OR6P1: variants seen among roughly 807,000 people sequenced by gnomAD.
OR6P1 encodes olfactory receptor family 6 subfamily P member 1.
In OR6P1, 5 loss-of-function variants were observed where a neutral mutation model predicts 6.6. The ratio of observed to expected loss-of-function variants is 0.76; its 90% CI spans 0.40 to 1.60. OR6P1 has a LOEUF of 1.60. Ranked by LOEUF, OR6P1 falls within the 40% of genes most tolerant of loss-of-function variation. The probability of loss-of-function intolerance (pLI) is 0.02; values close to 1 mark genes in which losing one functional copy is unlikely to be tolerated. For missense variants in OR6P1, 451 were observed against 383.0 expected (o/e 1.18, Z -1.48); for synonymous variants, 177 against 149.6 (o/e 1.18, Z -1.33).
Position 158,562,962 on chromosome 1 carries a change from C to T in OR6P1, c.643G>A (p.Val215Ile). The T allele has an allele frequency of 6.4e-7, 1 of 1,551,650 alleles. No individual in the cohort carries two copies. Among genetic ancestry groups the T allele is most frequent in the Non-Finnish European group, 8.7e-7 (1 of 1,146,990 alleles). The stretch of plus-strand genomic sequence containing the variant: ...GCAATGATGGCAGTGTATGATGAAA[C>T]CACAGCCAATAGAGGGAGTAGAATC... ...VMILLPLLAVVSSYTAIIAAI... is the reference protein window; with the variant it reads ...VMILLPLLAVISSYTAIIAAI... The change falls in exon 3 of 3, where the codon GTT becomes ATT. Residue 215 changes from valine to isoleucine, a missense_variant. Coordinates refer to ENST00000641540, the MANE Select transcript of OR6P1 (RefSeq NM_001160325.2).
At chr1:158,564,010 G>A (rs1648036100) in intron 2 of OR6P1, among the ~76,000 whole-genome samples, 1 of 152,170 alleles carries the variant, frequency 6.6e-6, no homozygotes, top group Non-Finnish European at 1.5e-5. Flanking sequence ...AAGTGTGACA[G>A]CAAGCTAGAG....
chr1:158,562,532 C>A lies in OR6P1; in HGVS notation c.*119G>T, dbSNP rs1297264611. ...TTCATTTGTATCAGAAGGTCCCAGACAATATTTAGAGAAAATGTTGGCAAA... is the reference window on the plus strand; with the variant it reads ...TTCATTTGTATCAGAAGGTCCCAGAAAATATTTAGAGAAAATGTTGGCAAA... On this transcript the variant is annotated 3_prime_UTR_variant, in exon 3 of 3. Coordinates refer to ENST00000641540, the MANE Select transcript of OR6P1 (RefSeq NM_001160325.2). 7 of 650,184 alleles carry A rather than the reference C, an allele frequency of 1.1e-5. No individual in the cohort carries two copies. Among genetic ancestry groups the A allele is most frequent in the African/African-American group, 9.2e-5 (5 of 54,454 alleles). 40.3% of individuals were successfully genotyped at this position (650,184 alleles called of 1,614,324 possible).
At chr1:158,569,210 G>T (rs191641810) in intron 1 of OR6P1, among the ~76,000 whole-genome samples, 8 of 152,234 alleles carry the variant, frequency 5.3e-5, no homozygotes, top group Non-Finnish European at 1.0e-4. Context: ...AAAGCACATT[G>T]GTGATACCAT....
chr1:158,564,282 C>G (rs1213764981), intron 2 of OR6P1, among the ~76,000 whole-genome samples: 1 of 152,144 alleles, frequency 6.6e-6, no homozygotes, highest in Non-Finnish European at 1.5e-5. Context: ...GGAGGTATAA[C>G]AGATTAAAAA....
chr1:158,562,464 C>G lies in OR6P1; in HGVS notation c.*187G>C, dbSNP rs897568113. 5.5e-5 allele frequency: 31 copies of G among 568,118 alleles called. No individual in the cohort carries two copies. The highest frequency in any genetic ancestry group is 9.6e-5 in the Non-Finnish European group (31 of 322,006). 35.2% of individuals were successfully genotyped at this position (568,118 alleles called of 1,614,324 possible). The stretch of plus-strand genomic sequence containing the variant: ...GTGATTCTTCTGTAGCTAGTCCAAC[C>G]TTAGTTTGAAAACCCCTGTAAAAAA... On this transcript the variant is annotated 3_prime_UTR_variant, in exon 3 of 3. Transcript: ENST00000641540.
In OR6P1 at chr1:158,563,122, A is replaced by G. The variant is rs1433981270; in HGVS notation, c.483T>C (p.Leu161=). The G allele has an allele frequency of 2.6e-6, 4 of 1,551,550 alleles. No individual in the cohort carries two copies. The highest frequency in any genetic ancestry group is 2.6e-6 in the Non-Finnish European group (3 of 1,147,004). The part of the protein sequence containing the change: ...SGFFSSMMKL[L]FISQLSYCGP... The stretch of plus-strand genomic sequence containing the variant: ...CACAGTAGGACAATTGGGAAATAAA[A>G]AGAAGCTTCATCATGGAGCTGAAGA... The change falls in exon 3 of 3, where the codon CTT becomes CTC. Residue 161 remains leucine (L), a synonymous_variant. Coordinates refer to ENST00000641540, the MANE Select transcript of OR6P1 (RefSeq NM_001160325.2).
chr1:158,565,377 G>T (rs1207852241), intron 2 of OR6P1, among the ~76,000 whole-genome samples: 1 of 152,034 alleles, frequency 6.6e-6, no homozygotes, highest in Non-Finnish European at 1.5e-5. Context: ...ACAAATGAGC[G>T]TATCTTTTTA....
chr1:158,565,553 G>C (rs932849353), intron 2 of OR6P1, among the ~76,000 whole-genome samples: 2 of 151,784 alleles, frequency 1.3e-5, no homozygotes, highest in Admixed American at 6.6e-5. Flanking sequence ...ATTTTCTCTA[G>C]CTGTTATATA....
At chr1:158,568,658 C>T (rs1648157849) in intron 1 of OR6P1, among the ~76,000 whole-genome samples, 1 of 152,186 alleles carries the variant, frequency 6.6e-6, no homozygotes, top group African/African-American at 2.4e-5. Flanking sequence ...TTACCCTCCC[C>T]TTTACTCCTG....
rs1004950039 is a variant in OR6P1 at position 158,560,995 on chromosome 1, A to C, written c.*1656T>G. On this transcript the variant is annotated 3_prime_UTR_variant, in exon 3 of 3. Coordinates refer to ENST00000641540, the MANE Select transcript of OR6P1 (RefSeq NM_001160325.2). ...GAGAACCAGAACTAGAAATTAATCC[A>C]AGATCAAATTTATCCAAAAGGAAAG... is the stretch of plus-strand genomic sequence containing the variant. 10 of 152,220 alleles carry C rather than the reference A, an allele frequency of 6.6e-5. No homozygotes were observed. Among genetic ancestry groups the C allele is most frequent in the Non-Finnish European group, 1.5e-4 (10 of 68,032 alleles). 9.4% of individuals were successfully genotyped at this position (152,220 alleles called of 1,614,324 possible).
chr1:158,564,671 T>C (rs1005512952), intron 2 of OR6P1, among the ~76,000 whole-genome samples: 1 of 152,158 alleles, frequency 6.6e-6, no homozygotes, highest in African/African-American at 2.4e-5. Context: ...GCCTGTGCCT[T>C]GAATTGAGCC....
chr1:158,568,265 T>C (rs1405000940), intron 1 of OR6P1, among the ~76,000 whole-genome samples: 3 of 152,208 alleles, frequency 2.0e-5, no homozygotes, highest in Non-Finnish European at 2.9e-5. Context: ...ATCACGGCAC[T>C]GTGCCCACTG....
chr1:158,565,938 T>G (rs1648086753), intron 2 of OR6P1, among the ~76,000 whole-genome samples: 1 of 152,226 alleles, frequency 6.6e-6, no homozygotes, highest in Non-Finnish European at 1.5e-5. Flanking sequence ...TTTTCATTCA[T>G]CTATTAGCTG....
chr1:158,570,332 C>T (rs961808765), intron 1 of OR6P1, 110 bp downstream of exon 1: 2 of 152,146 alleles, frequency 1.3e-5, no homozygotes, highest in African/African-American at 4.8e-5. Context: ...AATGATTAAG[C>T]TTTTTCAAAT....
chr1:158,562,675 G>C lies in OR6P1; in HGVS notation c.930C>G (p.His310Gln). Residue 310 changes from histidine (H) to glutamine (Q), a missense_variant, in exon 3 of 3, where the codon CAC (histidine) becomes CAG (glutamine). His to Gln is a conservative substitution (Grantham distance 24). Coordinates refer to ENST00000641540, the MANE Select transcript of OR6P1 (RefSeq NM_001160325.2). The stretch of plus-strand genomic sequence containing the variant: ...ATCAGTCCTGAACATCCCTAGGATA[G>C]TGACATCTGCCCATCACTGTCTTCC... ...AFRKTVMGRC[H>Q]YPRDVQD 6.4e-7 allele frequency: 1 copy of C among 1,554,044 alleles called. No homozygotes were observed. Among genetic ancestry groups the C allele is most frequent in the Non-Finnish European group, 8.7e-7 (1 of 1,147,664 alleles).
intron 1 of OR6P1, among the ~76,000 whole-genome samples, chr1:158,567,231 T>C (rs1648118017): frequency 6.6e-6 from 1 of 152,058 alleles, no homozygotes; most frequent in Non-Finnish European, 1.5e-5. Flanking sequence ...TGGAAGACAG[T>C]GTGGTGATTC....
chr1:158,564,934 T>C (rs1648061354), intron 2 of OR6P1, among the ~76,000 whole-genome samples: 1 of 152,238 alleles, frequency 6.6e-6, no homozygotes, highest in African/African-American at 2.4e-5. Context: ...GACTTGAGAT[T>C]GGGTGACATG....
intron 2 of OR6P1, among the ~76,000 whole-genome samples, chr1:158,565,559 A>G (rs1448152344): frequency 1.3e-5 from 2 of 152,114 alleles, no homozygotes; most frequent in African/African-American, 4.8e-5. Flanking sequence ...TCTAGCTGTT[A>G]TATAATTAGC....
intron 2 of OR6P1, among the ~76,000 whole-genome samples, 176 bp downstream of exon 2, chr1:158,566,588 T>C (rs531013744): frequency 1.6e-4 from 24 of 152,310 alleles, no homozygotes; most frequent in Middle Eastern, 3.4e-3. Flanking sequence ...TAGCAAATCA[T>C]AGTAGGCACT....
Sources: allele counts gnomAD v4.1 joint callset (sites outside exome capture counted in the v4.1 genomes callset), GRCh38; gene constraint gnomAD v4.1.1; transcripts MANE v1.5; gene names NCBI Gene and HGNC (gene_info 2026-07-23, HGNC 2026-07-21).